The following CCDC28A variants were observed in gnomAD, a reference collection of about 807,000 sequenced individuals.
The protein encoded by CCDC28A is coiled-coil domain containing 28A.
CCDC28A carries 24 observed loss-of-function variants against 22.1 expected under a neutral mutation model. The ratio of observed to expected loss-of-function variants is 1.09; its 90% CI spans 0.79 to 1.53. The LOEUF is 1.53. Among genes scored for constraint, CCDC28A ranks in the 40% most tolerant of loss-of-function variants. The pLI is 0.00. For synonymous variants in CCDC28A, 83 were observed against 74.7 expected (o/e 1.11, Z -0.57); for missense variants, 170 against 210.7 (o/e 0.81, Z 1.20).
intron 2 of CCDC28A, among the ~76,000 whole-genome samples, chr6:138,778,278 G>A (rs947878246): frequency 1.3e-5 from 2 of 151,994 alleles, no homozygotes; most frequent in African/African-American, 4.8e-5. Flanking sequence ...CTTCCGTGTC[G>A]GGATTTGTAG....
At position 138,773,866 on chromosome 6, in the gene CCDC28A, G is replaced by T; in HGVS notation, c.-79G>T. 1 of 1,613,974 alleles carries T rather than the reference G, an allele frequency of 6.2e-7. No homozygotes were observed. Among genetic ancestry groups the T allele is most frequent in the Non-Finnish European group, 8.5e-7 (1 of 1,180,038 alleles). ...CTTCTGAGGCTGTCGGGTCTTTGCGGGTTGCGGAAGGGGGCCCCAATACCC... is the reference window on the plus strand; with the variant it reads ...CTTCTGAGGCTGTCGGGTCTTTGCGTGTTGCGGAAGGGGGCCCCAATACCC... On this transcript the variant is annotated 5_prime_UTR_variant, in exon 1 of 6. Coordinates refer to ENST00000617445, the MANE Select transcript of CCDC28A (RefSeq NM_015439.3).
At chr6:138,789,597 G>A (rs1775140569) in intron 5 of CCDC28A, among the ~76,000 whole-genome samples, 1 of 152,190 alleles carries the variant, frequency 6.6e-6, no homozygotes, top group Non-Finnish European at 1.5e-5. Flanking sequence ...GGCTGAGGCG[G>A]GTGGATCACT....
intron 2 of CCDC28A, among the ~76,000 whole-genome samples, chr6:138,778,182 A>G (rs1018936371): frequency 3.3e-5 from 5 of 152,162 alleles, no homozygotes; most frequent in Non-Finnish European, 7.3e-5. Flanking sequence ...GGGCATATAT[A>G]TACCCTATTT....
intron 2 of CCDC28A, among the ~76,000 whole-genome samples, chr6:138,776,683 C>T (rs6570279): frequency 0.41 from 62,421 of 150,618 alleles, 14,288 homozygotes; most frequent in East Asian, 0.69. Flanking sequence ...TACACACACA[C>T]ATATATATAT....
At chr6:138,791,571 C>T (rs1280073589) in intron 5 of CCDC28A, among the ~76,000 whole-genome samples, 1 of 151,962 alleles carries the variant, frequency 6.6e-6, no homozygotes, top group East Asian at 1.9e-4. Flanking sequence ...ATTTTTCATT[C>T]TTTTTCATTC....
At chr6:138,790,211 C>T (rs1204186173) in intron 5 of CCDC28A, among the ~76,000 whole-genome samples, 1 of 152,088 alleles carries the variant, frequency 6.6e-6, no homozygotes, top group Non-Finnish European at 1.5e-5. Context: ...GAAGCAGTAG[C>T]GTGATCTCCA....
intron 3 of CCDC28A, among the ~76,000 whole-genome samples, chr6:138,780,599 GA>G (rs1392325939): frequency 3.7e-5 from 5 of 136,642 alleles, no homozygotes; most frequent in Non-Finnish European, 7.6e-5. Context: ...TTTTGAGACA[GA>G]GTCTGGCTCT....
At chr6:138,792,321 G>A (rs1236548890) in intron 5 of CCDC28A, among the ~76,000 whole-genome samples, 1 of 152,138 alleles carries the variant, frequency 6.6e-6, no homozygotes, top group Non-Finnish European at 1.5e-5. Flanking sequence ...TTGAGGCCAG[G>A]AGTTCAAGAC....
intron 4 of CCDC28A, among the ~76,000 whole-genome samples, chr6:138,786,631 T>C (rs1009860417): frequency 4.6e-5 from 7 of 152,212 alleles, no homozygotes; most frequent in Non-Finnish European, 7.3e-5. Context: ...GTTTGTTTTT[T>C]TGAGACAGGG....
chr6:138,774,195 A>AT (rs1255255042), intron 1 of CCDC28A, among the ~76,000 whole-genome samples: 1 of 152,118 alleles, frequency 6.6e-6, no homozygotes, highest in Non-Finnish European at 1.5e-5. Flanking sequence ...GACAGATGTA[A>AT]TTTTCCAAAA....
intron 2 of CCDC28A, among the ~76,000 whole-genome samples, chr6:138,779,062 C>G (rs914068818): frequency 6.6e-6 from 1 of 152,162 alleles, no homozygotes; most frequent in African/African-American, 2.4e-5. Context: ...GCCACTGTGC[C>G]CGGCCTACTG....
At position 138,784,313 on chromosome 6, in the gene CCDC28A, C is replaced by A. The variant is rs79939989; in HGVS notation, c.323-914C>A. Among the ~76,000 whole-genome samples the A allele has an allele frequency of 2.7e-3, 412 of 150,684 alleles. 1 individual carries two copies. The highest frequency in any genetic ancestry group is 9.6e-3 in the African/African-American group (396 of 41,080). On this transcript the variant is annotated intron_variant, in intron 3 of 5. Transcript: ENST00000617445. ...TATTATATTACTGTTGAAGAAAATA[C>A]ATTTTCTCTACTTAAGGGACGATTT... is the stretch of plus-strand genomic sequence containing the variant.
Position 138,776,172 on chromosome 6 carries a change from T to C in CCDC28A, c.52T>C (p.Cys18Arg), listed in dbSNP as rs769385125. The C allele has an allele frequency of 6.2e-7, 1 of 1,613,852 alleles. No homozygotes were observed. The highest frequency in any genetic ancestry group is 8.5e-7 in the Non-Finnish European group (1 of 1,179,830). The change falls in exon 2 of 6, where the codon TGT becomes CGT. Residue 18 changes from cysteine (C) to arginine (R), a missense_variant. Coordinates refer to ENST00000617445, the MANE Select transcript of CCDC28A (RefSeq NM_015439.3). ...RRSPKSFSAH[C>R]TQVVNAKKNA... ...GAGTCCTAAGTCTTTTAGTGCCCACTGTACTCAGGTTGTCAATGCCAAAAA... is the reference window on the plus strand; with the variant it reads ...GAGTCCTAAGTCTTTTAGTGCCCACCGTACTCAGGTTGTCAATGCCAAAAA...
intron 5 of CCDC28A, among the ~76,000 whole-genome samples, chr6:138,792,211 A>C (rs951524127): frequency 6.6e-6 from 1 of 152,174 alleles, no homozygotes; most frequent in African/African-American, 2.4e-5. Flanking sequence ...GCTCCTTACT[A>C]TGAAAATGAT....
chr6:138,792,017 C>G (rs1408387432), intron 5 of CCDC28A, among the ~76,000 whole-genome samples: 1 of 152,134 alleles, frequency 6.6e-6, no homozygotes, highest in Non-Finnish European at 1.5e-5. Context: ...GTAATTCATG[C>G]AAGATTCCCG....
At position 138,773,849 on chromosome 6, in the gene CCDC28A, G is replaced by A; in HGVS notation, c.-96G>A. 6.2e-7 allele frequency: 1 copy of A among 1,614,148 alleles called. No homozygotes were observed. Among genetic ancestry groups the A allele is most frequent in the Non-Finnish European group, 8.5e-7 (1 of 1,180,038 alleles). On this transcript the variant is annotated 5_prime_UTR_variant, in exon 1 of 6. Coordinates refer to ENST00000617445, the MANE Select transcript of CCDC28A (RefSeq NM_015439.3). ...TGTGGCTGCGGCGGTGGCTTCTGAG[G>A]CTGTCGGGTCTTTGCGGGTTGCGGA...
At chr6:138,779,428 C>T (rs555577453) in intron 2 of CCDC28A, among the ~76,000 whole-genome samples, 1 of 152,238 alleles carries the variant, frequency 6.6e-6, no homozygotes, top group African/African-American at 2.4e-5. Context: ...AGAGTAGGGA[C>T]TCCAAAACCA....
chr6:138,778,928 A>G (rs1774977347), intron 2 of CCDC28A, among the ~76,000 whole-genome samples: 1 of 152,004 alleles, frequency 6.6e-6, no homozygotes, highest in African/African-American at 2.4e-5. Context: ...CCACCACACC[A>G]GGCTAATTTT....
intron 4 of CCDC28A, among the ~76,000 whole-genome samples, chr6:138,786,609 T>C (rs1203552830): frequency 6.6e-6 from 1 of 152,154 alleles, no homozygotes; most frequent in Non-Finnish European, 1.5e-5. Context: ...GTATTTCCAT[T>C]TACAGTTCAT....
Sources: allele counts gnomAD v4.1 joint callset (sites outside exome capture counted in the v4.1 genomes callset), GRCh38; gene constraint gnomAD v4.1.1; transcripts MANE v1.5; gene names NCBI Gene and HGNC (gene_info 2026-07-23, HGNC 2026-07-21).